The following PRRT1B variants were observed in gnomAD, a reference collection of about 807,000 sequenced individuals.
The protein encoded by PRRT1B is proline rich transmembrane protein 1B, also known as dispanin subfamily D member 2.
intron 1 of PRRT1B, among the ~76,000 whole-genome samples, chr9:131,553,524 C>A (rs979240101): frequency 2.6e-5 from 4 of 152,194 alleles, no homozygotes; most frequent in Non-Finnish European, 5.9e-5. Flanking sequence ...TGAGGCAGGA[C>A]ACGCCCAGGG....
At chr9:131,549,261 T>C (rs979712139) in intron 1 of PRRT1B, among the ~76,000 whole-genome samples, 4 of 152,274 alleles carry the variant, frequency 2.6e-5, no homozygotes, top group African/African-American at 9.6e-5. Context: ...CACTGTGAGA[T>C]AAACCCCAAC....
exon 2 of PRRT1B, chr9:131,555,017 C>G: frequency 2.5e-6 from 1 of 393,168 alleles, no homozygotes; most frequent in Admixed American, 4.5e-5. Flanking sequence ...GGGCCGCCTT[C>G]CCCTTCCCCG....
intron 2 of PRRT1B, 139 bp from the exon 3 acceptor site, chr9:131,555,931 C>A: frequency 2.5e-6 from 1 of 396,574 alleles, no homozygotes; most frequent in Non-Finnish European, 4.4e-6. Flanking sequence ...GACCCAACCC[C>A]TCCGTGAATT....
intron 1 of PRRT1B, among the ~76,000 whole-genome samples, chr9:131,550,734 G>A (rs1951004615): frequency 6.6e-6 from 1 of 152,058 alleles, no homozygotes; most frequent in South Asian, 2.1e-4. Context: ...AGCTGCCGCT[G>A]CTTTAATACT....
intron 3 of PRRT1B, among the ~76,000 whole-genome samples, chr9:131,557,759 A>C (rs1255909616): frequency 6.6e-6 from 1 of 152,206 alleles, no homozygotes. Flanking sequence ...AACTTCTCTG[A>C]GCCTTTGTTT....
intron 1 of PRRT1B, among the ~76,000 whole-genome samples, chr9:131,550,100 A>G (rs1030080694): frequency 1.3e-5 from 2 of 152,168 alleles, no homozygotes; most frequent in African/African-American, 2.4e-5. Context: ...AAAGCCTGTT[A>G]TCACTCGCCT....
chr9:131,557,203 C>A (rs1461233920), intron 3 of PRRT1B, among the ~76,000 whole-genome samples: 1 of 152,090 alleles, frequency 6.6e-6, no homozygotes, highest in African/African-American at 2.4e-5. Context: ...ATTTATTAGG[C>A]CCTTGGGATT....
intron 1 of PRRT1B, among the ~76,000 whole-genome samples, chr9:131,546,648 C>A (rs1484823270): frequency 3.3e-5 from 5 of 151,948 alleles, no homozygotes; most frequent in Admixed American, 1.3e-4. Flanking sequence ...AGGACTCCCC[C>A]CCAGACCCTC....
Position 131,551,814 on chromosome 9 carries a change from G to GA in PRRT1B, c.26-2743_26-2742insA. The stretch of plus-strand genomic sequence containing the variant: ...TTACCTACGCAAATCCTATAAGACG[G>GA]CCCACCCCATCTCCCTTCGCTGACT... On this transcript the variant is annotated intron_variant, in intron 1 of 3. Transcript: ENST00000636672. This position sits in a 1 kb window ranked among gnomAD's most constrained non-coding sequence, Gnocchi z 4.4. Among the ~76,000 whole-genome samples, 1 of 151,448 alleles carries GA rather than the reference G, an allele frequency of 6.6e-6. No individual in the cohort carries two copies. Among genetic ancestry groups the GA allele is most frequent in the East Asian group, 2.0e-4 (1 of 5,120 alleles).
chr9:131,553,523 A>G (rs1951025862), intron 1 of PRRT1B, among the ~76,000 whole-genome samples: 1 of 152,168 alleles, frequency 6.6e-6, no homozygotes, highest in African/African-American at 2.4e-5. Flanking sequence ...TTGAGGCAGG[A>G]CACGCCCAGG....
Position 131,558,034 on chromosome 9 carries a change from C to T in PRRT1B, c.643-19C>T, listed in dbSNP as rs1284331945. 2 of 398,980 alleles carry T rather than the reference C, an allele frequency of 5.0e-6. No homozygotes were observed. Among genetic ancestry groups the T allele is most frequent in the African/African-American group, 4.1e-5 (2 of 48,660 alleles). The allele number at this position is 398,980 out of a possible 1,614,324, so 24.7% of individuals were successfully genotyped here. On this transcript the variant is annotated intron_variant, in intron 3 of 3. Transcript: ENST00000636672. ...CCCTGTTCGCTCCCACCGCCCCCTCCTGCCCTGTCTCGTTGCAGGCCCGTG... is the reference window on the plus strand; with the variant it reads ...CCCTGTTCGCTCCCACCGCCCCCTCTTGCCCTGTCTCGTTGCAGGCCCGTG...
chr9:131,547,065 CTTT>C (rs549825970), intron 1 of PRRT1B, among the ~76,000 whole-genome samples: 62 of 100,760 alleles, frequency 6.2e-4, no homozygotes, highest in African/African-American at 2.4e-3. Context: ...CTCCTGTTCG[CTTT>C]TTTTTTTTTT....
intron 1 of PRRT1B, among the ~76,000 whole-genome samples, chr9:131,550,843 G>A (rs943016124): frequency 6.6e-6 from 1 of 151,652 alleles, no homozygotes; most frequent in Non-Finnish European, 1.5e-5. Context: ...TTCTGTCCTG[G>A]GTCCTCCCAA....
intron 1 of PRRT1B, among the ~76,000 whole-genome samples, chr9:131,550,163 T>C (rs1435471633): frequency 6.6e-6 from 1 of 152,214 alleles, no homozygotes; most frequent in African/African-American, 2.4e-5. Flanking sequence ...TTCCCCCATT[T>C]TACCTGTCCG....
intron 1 of PRRT1B, among the ~76,000 whole-genome samples, chr9:131,547,290 G>A (rs1380170483): frequency 6.6e-6 from 1 of 152,000 alleles, no homozygotes; most frequent in East Asian, 1.9e-4. Context: ...GCGGGTTCCT[G>A]CCTTAACTGA....
At chr9:131,549,445 C>A (rs565293186) in intron 1 of PRRT1B, among the ~76,000 whole-genome samples, 1 of 152,218 alleles carries the variant, frequency 6.6e-6, no homozygotes, top group Non-Finnish European at 1.5e-5. Flanking sequence ...CGGGACCCCA[C>A]TGAAAATTGG....
intron 1 of PRRT1B, among the ~76,000 whole-genome samples, chr9:131,547,760 T>A (rs1347219452): frequency 6.6e-6 from 1 of 152,100 alleles, no homozygotes; most frequent in Non-Finnish European, 1.5e-5. Context: ...CTCACCAATT[T>A]TAAATCCAGT....
At chr9:131,545,708 C>A (rs952343482) in intron 1 of PRRT1B, 68 bp downstream of exon 1, 9 of 351,698 alleles carry the variant, frequency 2.6e-5, no homozygotes, top group Admixed American at 2.3e-4. Flanking sequence ...CAGGTACTGG[C>A]GAGGCAGGTA....
At chr9:131,549,773 C>A (rs1043344001) in intron 1 of PRRT1B, among the ~76,000 whole-genome samples, 5 of 152,202 alleles carry the variant, frequency 3.3e-5, no homozygotes, top group African/African-American at 1.2e-4. Context: ...CCCAACTCTG[C>A]CAACTTGGAC....
Sources: allele counts gnomAD v4.1 joint callset (sites outside exome capture counted in the v4.1 genomes callset), GRCh38; gene constraint gnomAD v4.1.1; non-coding constraint Gnocchi (gnomAD v3.1); transcripts MANE v1.5; gene names NCBI Gene and HGNC (gene_info 2026-07-23, HGNC 2026-07-21).